The following OR8H1 variants were observed in gnomAD, a reference collection of about 807,000 sequenced individuals.
OR8H1 encodes olfactory receptor family 8 subfamily H member 1.
For missense variants in OR8H1, 388 were observed against 374.1 expected, an observed-to-expected ratio of 1.04 and a Z score of -0.31; for synonymous variants, 135 against 134.5, an observed-to-expected ratio of 1.00 and a Z score of -0.03.
intron 1 of OR8H1, among the ~76,000 whole-genome samples, chr11:56,291,514 C>A (rs1854151875): frequency 6.6e-6 from 1 of 152,090 alleles, no homozygotes; most frequent in Non-Finnish European, 1.5e-5. Context: ...ATACTATACT[C>A]CTGTTTATAA....
Position 56,290,554 on chromosome 11 carries a change from G to A in OR8H1, c.509C>T (p.Ser170Leu). The A allele has an allele frequency of 1.9e-6, 3 of 1,614,164 alleles. No homozygotes were observed. Among genetic ancestry groups the A allele is most frequent in the Non-Finnish European group, 2.5e-6 (3 of 1,180,018 alleles). The change falls in exon 2 of 2, where the codon TCA (serine) becomes TTA (leucine). Residue 170 changes from serine to leucine, a missense_variant. By Grantham distance (145) the Ser-to-Leu change is moderately radical. Coordinates refer to ENST00000641600, the MANE Select transcript of OR8H1 (RefSeq NM_001005199.2). ...VWMSRLHFCDSNVVRHFFCDT... is the reference protein window; with the variant it reads ...VWMSRLHFCDLNVVRHFFCDT... ...GCAGAAAAAGTGACGAACTACATTTGAGTCGCAGAAATGCAGTCTGCTCAT... is the reference window on the plus strand; with the variant it reads ...GCAGAAAAAGTGACGAACTACATTTAAGTCGCAGAAATGCAGTCTGCTCAT...
intron 1 of OR8H1, among the ~76,000 whole-genome samples, 175 bp from the exon 2 acceptor site, chr11:56,291,259 A>T (rs1426976747): frequency 6.6e-6 from 1 of 152,220 alleles, no homozygotes; most frequent in Non-Finnish European, 1.5e-5. Flanking sequence ...TAACATTTAG[A>T]TGTGATATAA....
chr11:56,289,933 A>T lies in OR8H1; in HGVS notation c.*194T>A. On this transcript the variant is annotated 3_prime_UTR_variant, in exon 2 of 2. Transcript: ENST00000641600. Reference sequence around the variant, plus strand: ...CCGTGCCCGGCCAACACATATTATGATTTCTAATTACAATCTGGATTTCTG... The same window carrying T: ...CCGTGCCCGGCCAACACATATTATGTTTTCTAATTACAATCTGGATTTCTG... 1.5e-6 allele frequency: 1 copy of T among 649,474 alleles called. No homozygotes were observed. Among genetic ancestry groups the T allele is most frequent in the Non-Finnish European group, 2.7e-6 (1 of 367,374 alleles). The allele number at this position is 649,474 out of a possible 1,614,324, so 40.2% of individuals were successfully genotyped here. A position where few individuals can be genotyped will look rare whatever the true frequency, so the allele number is the denominator to read the frequency against.
chr11:56,290,710 G>T lies in OR8H1; in HGVS notation c.353C>A (p.Ala118Asp), dbSNP rs201627311. 11 of 1,614,094 alleles carry T rather than the reference G, an allele frequency of 6.8e-6. No homozygotes were observed. Among genetic ancestry groups the T allele is most frequent in the Non-Finnish European group, 9.3e-6 (11 of 1,180,010 alleles). Residue 118 changes from alanine (A) to aspartate (D), a missense_variant, in exon 2 of 2, where the codon GCC (alanine) becomes GAC (aspartate). Coordinates refer to ENST00000641600, the MANE Select transcript of OR8H1 (RefSeq NM_001005199.2). ...GCAGATAGCTACGTAGCGATCATAG[G>T]CCATTGATGAGAGAAGAAAACATTC... ...AAECFLLSSM[A>D]YDRYVAICSP...
intron 1 of OR8H1, 81 bp from the exon 2 acceptor site, chr11:56,291,165 T>C: frequency 1.2e-6 from 1 of 819,342 alleles, no homozygotes. Context: ...TTAATTCATT[T>C]AGTGTTTCTA....
At position 56,289,965 on chromosome 11, in the gene OR8H1, T is replaced by A; in HGVS notation, c.*162A>T. On this transcript the variant is annotated 3_prime_UTR_variant, in exon 2 of 2. Transcript: ENST00000641600. ...ATTACAATCTGGATTTCTGAAAACA[T>A]ACACCTTGAAATGTTCAAGATCACG... The A allele has an allele frequency of 1.4e-6, 1 of 715,850 alleles. No homozygotes were observed. The highest frequency in any genetic ancestry group is 2.5e-6 in the Non-Finnish European group (1 of 406,288). The allele number at this position is 715,850 out of a possible 1,614,324, so 44.3% of individuals were successfully genotyped here. A position where few individuals can be genotyped will look rare whatever the true frequency, so the allele number is the denominator to read the frequency against.
rs1229363427 is a variant in OR8H1, at chr11:56,288,655, GA to G, written c.*1471del. On this transcript the variant is annotated 3_prime_UTR_variant, in exon 2 of 2. Transcript: ENST00000641600. The stretch of plus-strand genomic sequence containing the variant: ...AGTCTTGATTTTGCCTATGTACCAA[GA>G]AAAAATTTATATTAGCGTTGTCAAT... 1.3e-5 allele frequency: 2 copies of G among 152,074 alleles called. No homozygotes were observed. The highest frequency in any genetic ancestry group is 4.8e-5 in the African/African-American group (2 of 41,542). 9.4% of individuals were successfully genotyped at this position (152,074 alleles called of 1,614,324 possible). A position where few individuals can be genotyped will look rare whatever the true frequency, so the allele number is the denominator to read the frequency against.
At position 56,290,423 on chromosome 11, in the gene OR8H1, A is replaced by C; in HGVS notation, c.640T>G (p.Ser214Ala). The stretch of plus-strand genomic sequence containing the variant: ...GAGAGAATGGACACATAGGATGCAG[A>C]TATTGTGATAAGGGACACCATCAGG... ...STLMVSLITI[S>A]ASYVSILSTI... The change falls in exon 2 of 2, where the codon TCT (serine) becomes GCT (alanine). Residue 214 changes from serine to alanine, a missense_variant. Ser to Ala is a moderately conservative substitution (Grantham distance 99). Transcript: ENST00000641600. 1 of 1,614,204 alleles carries C rather than the reference A, an allele frequency of 6.2e-7. No individual in the cohort carries two copies. The highest frequency in any genetic ancestry group is 8.5e-7 in the Non-Finnish European group (1 of 1,180,032).
chr11:56,290,088 AAAGAT>A lies in OR8H1; in HGVS notation c.*34_*38del. ...GGACATACCAAATAGAAAAGAAAGA[AAAGAT>A]GAGTTTAAATGTTCAGCATTCCTGC... On this transcript the variant is annotated 3_prime_UTR_variant, in exon 2 of 2. Coordinates refer to ENST00000641600, the MANE Select transcript of OR8H1 (RefSeq NM_001005199.2). 1 of 1,473,078 alleles carries A rather than the reference AAAGAT, an allele frequency of 6.8e-7. No homozygotes were observed. Among genetic ancestry groups the A allele is most frequent in the Non-Finnish European group, 9.5e-7 (1 of 1,051,496 alleles). 91.3% of individuals were successfully genotyped at this position (1,473,078 alleles called of 1,614,324 possible). A position where few individuals can be genotyped will look rare whatever the true frequency, so the allele number is the denominator to read the frequency against.
intron 1 of OR8H1, among the ~76,000 whole-genome samples, 195 bp downstream of exon 1, chr11:56,291,756 T>C (rs996779808): frequency 7.2e-5 from 11 of 152,162 alleles, no homozygotes; most frequent in African/African-American, 2.7e-4. Flanking sequence ...ATCAAATTTC[T>C]TCCAAAAATT....
In OR8H1 at chr11:56,290,669, G is replaced by C; in HGVS notation, c.394C>G (p.Pro132Ala). 6.2e-7 allele frequency: 1 copy of C among 1,613,958 alleles called. No homozygotes were observed. Among genetic ancestry groups the C allele is most frequent in the Non-Finnish European group, 8.5e-7 (1 of 1,179,974 alleles). Residue 132 changes from proline (P) to alanine (A), a missense_variant, in exon 2 of 2, where the codon CCA (proline) becomes GCA (alanine). By Grantham distance (27) the Pro-to-Ala change is conservative. Coordinates refer to ENST00000641600, the MANE Select transcript of OR8H1 (RefSeq NM_001005199.2). ...YVAICSPLRY[P>A]VIMSKRLCCA... Reference sequence around the variant, plus strand: ...CACAGCCTTTTGGACATAATAACTGGGTAACGTAGAGGACTGCAGATAGCT... The same window carrying C: ...CACAGCCTTTTGGACATAATAACTGCGTAACGTAGAGGACTGCAGATAGCT...
At position 56,288,588 on chromosome 11, in the gene OR8H1, A is replaced by C. The variant is rs1854097017; in HGVS notation, c.*1539T>G. 6.6e-6 allele frequency: 1 copy of C among 152,100 alleles called. No homozygotes were observed. The highest frequency in any genetic ancestry group is 6.5e-5 in the Admixed American group (1 of 15,276). 9.4% of individuals were successfully genotyped at this position (152,100 alleles called of 1,614,324 possible). ...AGATATCACTGCATGTAGATTTTTA[A>C]TGTGGTGAGTTAATATTTCAAGTCC... On this transcript the variant is annotated 3_prime_UTR_variant, in exon 2 of 2. Transcript: ENST00000641600.
chr11:56,290,753 CA>C lies in OR8H1; in HGVS notation c.309del (p.Phe103LeufsTer21), dbSNP rs748253656. ...FMGCFAQMFF[F>X]VFLGAAECFL... Reference sequence around the variant, plus strand: ...AAACATTCAGCAGCTCCCAAGAAGACAAAAAAGAACATCTGGGCAAAGCAGC... The same window carrying C: ...AAACATTCAGCAGCTCCCAAGAAGACAAAAAGAACATCTGGGCAAAGCAGC... On this transcript the variant is annotated frameshift_variant, in exon 2 of 2. Coordinates refer to ENST00000641600, the MANE Select transcript of OR8H1 (RefSeq NM_001005199.2). LOFTEE classifies it low-confidence loss of function (END_TRUNC). The C allele has an allele frequency of 2.5e-6, 4 of 1,613,960 alleles. No homozygotes were observed. Among genetic ancestry groups the C allele is most frequent in the South Asian group, 2.2e-5 (2 of 91,066 alleles).
At chr11:56,291,213 C>T (rs1035459420) in intron 1 of OR8H1, 129 bp from the exon 2 acceptor site, 11 of 585,958 alleles carry the variant, frequency 1.9e-5, no homozygotes, top group Admixed American at 6.9e-5. Context: ...GACCTTAAAA[C>T]GGAATTATAT....
At position 56,290,489 on chromosome 11, in the gene OR8H1, A is replaced by T; in HGVS notation, c.574T>A (p.Tyr192Asn). 1.2e-6 allele frequency: 2 copies of T among 1,614,086 alleles called. No individual in the cohort carries two copies. The highest frequency in any genetic ancestry group is 1.7e-6 in the Non-Finnish European group (2 of 1,179,958). The change falls in exon 2 of 2, where the codon TAC (tyrosine) becomes AAC (asparagine). Residue 192 changes from tyrosine (Y) to asparagine (N), a missense_variant. Transcript: ENST00000641600. ...ATGTGTATCATGATTTCAATGTCGT[A>T]TGTGTCCATGCAGGACAGAGCTAAA... ...PILALSCMDTYDIEIMIHILA... is the reference protein window; with the variant it reads ...PILALSCMDTNDIEIMIHILA...
At position 56,290,167 on chromosome 11, in the gene OR8H1, G is replaced by A. The variant is rs1362345178; in HGVS notation, c.896C>T (p.Ala299Val). The change falls in exon 2 of 2, where the codon GCT becomes GTT. Residue 299 changes from alanine to valine, a missense_variant. Physicochemically the swap from Ala to Val is moderately conservative, Grantham distance 64. Transcript: ENST00000641600. ...TCTTCTCTGCATGACTCTAATGAGA[G>A]CATTTTTAACTTCTTTGTTTCTAAG... ...YSLRNKEVKNALIRVMQRRQD... is the reference protein window; with the variant it reads ...YSLRNKEVKNVLIRVMQRRQD... 3 of 1,608,876 alleles carry A rather than the reference G, an allele frequency of 1.9e-6. No homozygotes were observed. The highest frequency in any genetic ancestry group is 4.5e-5 in the East Asian group (2 of 44,846).
rs1854095976 is a variant in OR8H1 at position 56,288,509 on chromosome 11, A to G, written c.*1618T>C. ...AAAAACACACAGAATTTTAACAAAG[A>G]AACAGTTTGACTCTTTACAGAAGTC... On this transcript the variant is annotated 3_prime_UTR_variant, in exon 2 of 2. Transcript: ENST00000641600. The G allele has an allele frequency of 6.6e-6, 1 of 152,126 alleles. No individual in the cohort carries two copies. Among genetic ancestry groups the G allele is most frequent in the Non-Finnish European group, 1.5e-5 (1 of 67,940 alleles). 9.4% of individuals were successfully genotyped at this position (152,126 alleles called of 1,614,324 possible). A position where few individuals can be genotyped will look rare whatever the true frequency, so the allele number is the denominator to read the frequency against.
intron 1 of OR8H1, among the ~76,000 whole-genome samples, chr11:56,291,382 C>T (rs75612800): frequency 0.019 from 2,865 of 152,050 alleles, 82 homozygotes; most frequent in African/African-American, 0.066. Flanking sequence ...CTACTATTAT[C>T]GACATATTTT....
rs774300048 is a variant in OR8H1 at position 56,290,142 on chromosome 11, T to C, written c.921A>G (p.Arg307=). The C allele has an allele frequency of 2.5e-6, 4 of 1,607,414 alleles. No individual in the cohort carries two copies. The highest frequency in any genetic ancestry group is 3.4e-6 in the Non-Finnish European group (4 of 1,175,044). The change falls in exon 2 of 2, where the codon AGA becomes AGG. Residue 307 remains arginine (R), a synonymous_variant. Transcript: ENST00000641600. ...KNALIRVMQR[R]QDSR Reference sequence around the variant, plus strand: ...GCTATTTTAATTACCTGGAGTCCTGTCTTCTCTGCATGACTCTAATGAGAG... The same window carrying C: ...GCTATTTTAATTACCTGGAGTCCTGCCTTCTCTGCATGACTCTAATGAGAG...
Sources: allele counts gnomAD v4.1 joint callset (sites outside exome capture counted in the v4.1 genomes callset), GRCh38; gene constraint gnomAD v4.1.1; transcripts MANE v1.5; gene names NCBI Gene and HGNC (gene_info 2026-07-23, HGNC 2026-07-21).